C9orf85: variants seen among roughly 807,000 people sequenced by gnomAD.
C9orf85 encodes the protein chromosome 9 open reading frame 85, also known as uncharacterized protein C9orf85.
A neutral mutation model predicts 14.9 loss-of-function variants in C9orf85; 16 were observed. The observed-to-expected ratio is 1.08, with a 90% CI of 0.73 to 1.63. C9orf85 has a LOEUF of 1.63. Among genes scored for constraint, C9orf85 ranks in the 40% most tolerant of loss-of-function variants. C9orf85 has a pLI of 0.00. For missense variants in C9orf85, 172 were observed against 186.1 expected (o/e 0.92, Z 0.44); for synonymous variants, 45 against 56.8 (o/e 0.79, Z 0.93).
intron 1 of C9orf85, among the ~76,000 whole-genome samples, chr9:71,933,415 A>G (rs764655598): frequency 2.0e-5 from 3 of 152,222 alleles, no homozygotes; most frequent in Non-Finnish European, 4.4e-5. Flanking sequence ...GCAGGAGGAA[A>G]TGCTCCAACT....
chr9:71,919,178 T>G (rs1483619802), intron 1 of C9orf85, among the ~76,000 whole-genome samples: 1 of 152,244 alleles, frequency 6.6e-6, no homozygotes, highest in Non-Finnish European at 1.5e-5. Context: ...ACTGTACTAT[T>G]TGTCCAGGTA....
At chr9:71,924,382 G>A (rs1827885039) in intron 1 of C9orf85, among the ~76,000 whole-genome samples, 1 of 151,898 alleles carries the variant, frequency 6.6e-6, no homozygotes, top group Admixed American at 6.6e-5. Flanking sequence ...AACGCAAATT[G>A]TCCTTTTGTA....
intron 1 of C9orf85, among the ~76,000 whole-genome samples, chr9:71,939,148 T>G (rs1215352386): frequency 6.6e-6 from 1 of 151,722 alleles, no homozygotes; most frequent in Non-Finnish European, 1.5e-5. Flanking sequence ...TGTAGAGGTA[T>G]TTTTCATCTA....
intron 1 of C9orf85, among the ~76,000 whole-genome samples, chr9:71,938,463 G>T (rs1453020816): frequency 1.3e-5 from 2 of 151,848 alleles, no homozygotes; most frequent in Non-Finnish European, 2.9e-5. Flanking sequence ...GAGACTTGTT[G>T]TATACTTTAT....
chr9:71,917,144 A>G (rs1270452140), intron 1 of C9orf85, among the ~76,000 whole-genome samples: 2 of 152,218 alleles, frequency 1.3e-5, no homozygotes, highest in East Asian at 3.8e-4. Context: ...GTGATTTTAA[A>G]AAATATATGT....
chr9:71,937,520 G>A (rs934753632), intron 1 of C9orf85, among the ~76,000 whole-genome samples: 4 of 152,292 alleles, frequency 2.6e-5, no homozygotes, highest in Admixed American at 2.6e-4. Context: ...GATTCTAGCA[G>A]TAACAAGGAA....
At chr9:71,979,455 C>A (rs918790611) in intron 3 of C9orf85, among the ~76,000 whole-genome samples, 1 of 151,822 alleles carries the variant, frequency 6.6e-6, no homozygotes, top group Non-Finnish European at 1.5e-5. Flanking sequence ...GTTTTGTGGG[C>A]GTAGGAAGCA....
intron 1 of C9orf85, among the ~76,000 whole-genome samples, chr9:71,920,741 A>G (rs1168243484): frequency 6.6e-6 from 1 of 152,218 alleles, no homozygotes; most frequent in Non-Finnish European, 1.5e-5. Flanking sequence ...AAAGGAAGAA[A>G]TGAAATAAGG....
chr9:71,925,074 C>G (rs931590993), intron 1 of C9orf85, among the ~76,000 whole-genome samples: 1 of 152,138 alleles, frequency 6.6e-6, no homozygotes, highest in Non-Finnish European at 1.5e-5. Context: ...AAAAAAATTC[C>G]TGGCTTACTG....
intron 3 of C9orf85, 91 bp from the exon 4 acceptor site, chr9:71,972,601 C>T: frequency 1.1e-6 from 1 of 902,420 alleles, no homozygotes. Context: ...TTCTGTTATT[C>T]AAGAAGTGTA....
At chr9:71,957,516 A>C (rs1044203779) in intron 2 of C9orf85, among the ~76,000 whole-genome samples, 1 of 152,226 alleles carries the variant, frequency 6.6e-6, no homozygotes, top group Admixed American at 6.5e-5. Flanking sequence ...CAGGAGAAAG[A>C]TATTAAATGA....
rs376669877 is a variant in C9orf85, at chr9:71,955,689, C to T, written c.209+8577C>T. Among the ~76,000 whole-genome samples, 15 of 152,262 alleles carry T rather than the reference C, an allele frequency of 9.9e-5. 1 individual carries two copies. Among genetic ancestry groups the T allele is most frequent in the Admixed American group, 5.2e-4 (8 of 15,290 alleles). On this transcript the variant is annotated intron_variant, in intron 2 of 3. Transcript: ENST00000334731. ...TATAGAGAGAAACCTTTAGGCCAAA[C>T]TTAAAATATGTACCCAGGCAGCTTT...
At chr9:71,919,978 T>A (rs1827753405) in intron 1 of C9orf85, among the ~76,000 whole-genome samples, 1 of 152,004 alleles carries the variant, frequency 6.6e-6, no homozygotes, top group African/African-American at 2.4e-5. Context: ...GCCTCCCAAG[T>A]AGCTGGGATT....
chr9:71,921,120 A>C (rs1328163359), intron 1 of C9orf85, among the ~76,000 whole-genome samples: 1 of 152,238 alleles, frequency 6.6e-6, no homozygotes, highest in African/African-American at 2.4e-5. Flanking sequence ...CACATGACAG[A>C]TAGCAGGCCC....
chr9:71,946,173 A>G (rs549954874), intron 1 of C9orf85, among the ~76,000 whole-genome samples: 4 of 152,352 alleles, frequency 2.6e-5, no homozygotes, highest in East Asian at 3.9e-4. Flanking sequence ...CTTTTTTAAC[A>G]TGAGAATTCA....
At chr9:71,951,600 AAGCATTGTT>A (rs1469200853) in intron 2 of C9orf85, among the ~76,000 whole-genome samples, 1 of 152,196 alleles carries the variant, frequency 6.6e-6, no homozygotes, top group East Asian at 1.9e-4. Flanking sequence ...AGGATGGCAT[AAGCATTGTT>A]AGACTTGAAA....
In C9orf85 at chr9:71,971,519, A is replaced by G; in HGVS notation, c.224A>G (p.Gln75Arg). The G allele has an allele frequency of 6.3e-7, 1 of 1,590,198 alleles. No individual in the cohort carries two copies. The highest frequency in any genetic ancestry group is 8.6e-7 in the Non-Finnish European group (1 of 1,167,786). Residue 75 changes from glutamine to arginine, a missense_variant, in exon 3 of 4, where the codon CAA (glutamine) becomes CGA (arginine). Physicochemically the swap from Gln to Arg is conservative, Grantham distance 43. Transcript: ENST00000334731. ...TTTTATTTTAGTGTTAAATGTTTAC[A>G]AAAGACAGTGAAGGATTCTTATCAC... The part of the protein sequence containing the change: ...SKPKKCVKCL[Q>R]KTVKDSYHIM...
At chr9:71,945,156 G>A (rs193096716) in intron 1 of C9orf85, among the ~76,000 whole-genome samples, 12 of 152,318 alleles carry the variant, frequency 7.9e-5, no homozygotes, top group Admixed American at 6.5e-4. Flanking sequence ...CATTCATATT[G>A]AAGTCATAGT....
At chr9:71,917,424 G>C (rs1827677521) in intron 1 of C9orf85, among the ~76,000 whole-genome samples, 1 of 152,102 alleles carries the variant, frequency 6.6e-6, no homozygotes, top group Non-Finnish European at 1.5e-5. Context: ...CCATTTTCTT[G>C]GCTCCTGATT....
Sources: gnomAD v4.1 joint callset for allele counts (sites outside exome capture counted in the v4.1 genomes callset) on GRCh38, gnomAD v4.1.1 for gene constraint, MANE v1.5 for transcripts, NCBI Gene and HGNC (gene_info 2026-07-23, HGNC 2026-07-21) for gene names.